MEIKIN: variants seen among roughly 807,000 people sequenced by gnomAD.
MEIKIN encodes the protein meiotic kinetochore factor, also known as meiosis-specific kinetochore protein.
intron 8 of MEIKIN, among the ~76,000 whole-genome samples, chr5:131,899,742 AAAGGGGTC>A (rs1751124360): frequency 6.6e-6 from 1 of 152,198 alleles, no homozygotes; most frequent in East Asian, 1.9e-4. Flanking sequence ...ATATAATGAT[AAAGGGGTC>A]AATTCAGCAA....
chr5:131,842,782 C>T (rs145775243), intron 11 of MEIKIN, among the ~76,000 whole-genome samples: 2 of 152,148 alleles, frequency 1.3e-5, no homozygotes, highest in Admixed American at 6.5e-5. Context: ...TCCACCCTTC[C>T]ACATTTTATG....
At chr5:131,873,771 G>T (rs1477862404) in intron 9 of MEIKIN, among the ~76,000 whole-genome samples, 4 of 152,140 alleles carry the variant, frequency 2.6e-5, no homozygotes, top group African/African-American at 9.7e-5. Flanking sequence ...AAATGTAAAA[G>T]AACAGAAATT....
intron 11 of MEIKIN, among the ~76,000 whole-genome samples, chr5:131,832,665 C>A (rs1363958950): frequency 6.6e-6 from 1 of 152,224 alleles, no homozygotes; most frequent in Non-Finnish European, 1.5e-5. Context: ...GGCATCCAGG[C>A]ATTTCCATAT....
intron 5 of MEIKIN, among the ~76,000 whole-genome samples, chr5:131,926,151 A>G (rs1751582995): frequency 6.6e-6 from 1 of 152,212 alleles, no homozygotes; most frequent in Non-Finnish European, 1.5e-5. Flanking sequence ...GTTTTTTACT[A>G]CTGAGTATGA....
At chr5:131,848,691 A>G (rs900968776) in intron 11 of MEIKIN, among the ~76,000 whole-genome samples, 4 of 152,230 alleles carry the variant, frequency 2.6e-5, no homozygotes, top group Non-Finnish European at 4.4e-5. Flanking sequence ...CCCAAAGTCA[A>G]ACAAAGTGTC....
chr5:131,851,126 C>A (rs1750107791), intron 11 of MEIKIN, 138 bp downstream of exon 11: 1 of 380,952 alleles, frequency 2.6e-6, no homozygotes, highest in East Asian at 3.8e-5. Flanking sequence ...AAAAAGGCAA[C>A]CCACAGAATA....
intron 5 of MEIKIN, among the ~76,000 whole-genome samples, chr5:131,927,556 G>A (rs1239132164): frequency 6.6e-6 from 1 of 151,994 alleles, no homozygotes; most frequent in African/African-American, 2.4e-5. Context: ...GTTAAAAGTG[G>A]GTTATACTGA....
At chr5:131,889,191 C>T (rs1442639686) in intron 8 of MEIKIN, among the ~76,000 whole-genome samples, 10 of 152,126 alleles carry the variant, frequency 6.6e-5, no homozygotes, top group Non-Finnish European at 1.2e-4. Context: ...CTTGGCAATG[C>T]AGGCTCTTTT....
At chr5:131,905,054 C>A (rs1412626275) in intron 8 of MEIKIN, among the ~76,000 whole-genome samples, 1 of 152,000 alleles carries the variant, frequency 6.6e-6, no homozygotes, top group Non-Finnish European at 1.5e-5. Flanking sequence ...TTGATGGGTG[C>A]AGCAAACCAC....
intron 11 of MEIKIN, among the ~76,000 whole-genome samples, chr5:131,844,670 A>G (rs1257280954): frequency 2.0e-5 from 3 of 152,216 alleles, no homozygotes; most frequent in Non-Finnish European, 4.4e-5. Context: ...CAGTAAAAGA[A>G]CTATCTGAAA....
At chr5:131,854,081 G>A (rs910405166) in intron 10 of MEIKIN, among the ~76,000 whole-genome samples, 1 of 152,164 alleles carries the variant, frequency 6.6e-6, no homozygotes, top group Non-Finnish European at 1.5e-5. Flanking sequence ...TCAAAAGGCA[G>A]AAGCAACCCA....
At chr5:131,905,475 AC>A (rs1241191240) in intron 8 of MEIKIN, among the ~76,000 whole-genome samples, 1 of 152,148 alleles carries the variant, frequency 6.6e-6, no homozygotes, top group Non-Finnish European at 1.5e-5. Context: ...ATGAAAAAAA[AC>A]ATACAAAACA....
At chr5:131,870,055 T>G (rs1287654197) in intron 9 of MEIKIN, among the ~76,000 whole-genome samples, 2 of 152,216 alleles carry the variant, frequency 1.3e-5, no homozygotes, top group Admixed American at 6.5e-5. Context: ...AGTCCTACAA[T>G]TGACTTTTAA....
At chr5:131,852,952 G>T (rs538172066) in intron 10 of MEIKIN, among the ~76,000 whole-genome samples, 127 of 152,162 alleles carry the variant, frequency 8.3e-4, no homozygotes, top group African/African-American at 3.0e-3. Context: ...AATAAAAAAT[G>T]AGACACTCAT....
intron 9 of MEIKIN, among the ~76,000 whole-genome samples, chr5:131,863,557 C>CTTTTTTTTTTTT (rs59435888): frequency 8.2e-4 from 56 of 68,430 alleles, no homozygotes; most frequent in African/African-American, 2.2e-3. Context: ...CTTCTTTGTC[C>CTTTTTTTTTTTT]TTTTTTTTTT....
chr5:131,832,048 A>G (rs1263571050), intron 11 of MEIKIN, among the ~76,000 whole-genome samples: 2 of 152,090 alleles, frequency 1.3e-5, no homozygotes, highest in African/African-American at 4.8e-5. Flanking sequence ...TTCAAAGCCA[A>G]TCATGCCTTC....
intron 11 of MEIKIN, among the ~76,000 whole-genome samples, chr5:131,831,390 C>CA (rs887018895): frequency 3.2e-4 from 47 of 148,994 alleles, no homozygotes; most frequent in African/African-American, 4.9e-4. Context: ...GTCTCAACAA[C>CA]AAAAAAAAAA....
intron 12 of MEIKIN, among the ~76,000 whole-genome samples, chr5:131,812,443 C>G (rs1193116713): frequency 6.6e-6 from 1 of 152,138 alleles, no homozygotes; most frequent in Non-Finnish European, 1.5e-5. Context: ...ATTGGTAGGT[C>G]TCCAAAGGCC....
intron 11 of MEIKIN, among the ~76,000 whole-genome samples, chr5:131,839,856 T>A (rs1355470868): frequency 6.6e-6 from 1 of 152,188 alleles, no homozygotes; most frequent in East Asian, 1.9e-4. Context: ...AAATTCAAGG[T>A]TCATATTGAA....
Sources: gnomAD v4.1 joint callset for allele counts (sites outside exome capture counted in the v4.1 genomes callset) on GRCh38, gnomAD v4.1.1 for gene constraint, MANE v1.5 for transcripts, NCBI Gene and HGNC (gene_info 2026-07-23, HGNC 2026-07-21) for gene names.